The following FRMD4A variants were observed in gnomAD, a reference collection of about 807,000 sequenced individuals.
The protein encoded by FRMD4A is FERM domain-containing protein 4A.
A neutral mutation model predicts 129.1 loss-of-function variants in FRMD4A; 29 were observed. That is an observed-to-expected ratio of 0.22 (90% CI 0.17 to 0.31). The LOEUF is 0.31. Among genes scored for constraint, FRMD4A ranks in the 10% least tolerant of loss-of-function variants. The probability of loss-of-function intolerance (pLI) is 1.00; values close to 1 mark genes in which losing one functional copy is unlikely to be tolerated. For synonymous variants in FRMD4A, 634 were observed against 571.6 expected (o/e 1.11, Z -1.56); for missense variants, 1,272 against 1,375.8 (o/e 0.92, Z 1.19).
intron 2 of FRMD4A, among the ~76,000 whole-genome samples, chr10:13,922,710 G>A (rs945109024): frequency 3.3e-5 from 5 of 152,122 alleles, no homozygotes; most frequent in South Asian, 2.1e-4. Context: ...AATTAGCATC[G>A]TATGGTGCCA....
At chr10:14,139,402 T>C (rs987607549) in intron 2 of FRMD4A, among the ~76,000 whole-genome samples, 1 of 152,078 alleles carries the variant, frequency 6.6e-6, no homozygotes, top group African/African-American at 2.4e-5. Flanking sequence ...ATATTGAACA[T>C]AGAAGTTAAT....
Position 13,785,929 on chromosome 10 carries a change from T to C in FRMD4A, c.300-2923A>G, listed in dbSNP as rs532843306. On this transcript the variant is annotated intron_variant, in intron 5 of 24. Transcript: ENST00000357447. ...GAATGATGGTTTCCAGCTTCATCCA[T>C]GTCCCTACAAAGCACATGAACTCAT... Among the ~76,000 whole-genome samples the C allele has an allele frequency of 3.3e-5, 5 of 152,262 alleles. No homozygotes were observed. The South Asian group carries it at 1.0e-3, about 32-fold the overall frequency.
chr10:14,276,855 T>C (rs1845359326), intron 2 of FRMD4A, among the ~76,000 whole-genome samples: 1 of 152,142 alleles, frequency 6.6e-6, no homozygotes, highest in Non-Finnish European at 1.5e-5. Context: ...GGGATTTTAT[T>C]ATTATTGTTA....
At chr10:13,723,031 C>T (rs2089583112) in intron 12 of FRMD4A, among the ~76,000 whole-genome samples, 1 of 148,962 alleles carries the variant, frequency 6.7e-6, no homozygotes, top group Non-Finnish European at 1.5e-5. Context: ...TAGGTAGGTC[C>T]CTATGTTGGT....
At chr10:13,688,433 T>C (rs1335786839) in intron 15 of FRMD4A, among the ~76,000 whole-genome samples, 2 of 152,032 alleles carry the variant, frequency 1.3e-5, no homozygotes, top group Admixed American at 1.3e-4. Flanking sequence ...TTAGGAGATA[T>C]ACCTAATGCT....
At chr10:13,832,358 T>C (rs893588602) in intron 3 of FRMD4A, among the ~76,000 whole-genome samples, 12 of 152,190 alleles carry the variant, frequency 7.9e-5, no homozygotes, top group African/African-American at 2.9e-4. Flanking sequence ...TCGTGCTTCG[T>C]CCAGAGTGAG....
chr10:14,185,550 AGC>A (rs1842079099), intron 2 of FRMD4A, among the ~76,000 whole-genome samples: 3 of 152,344 alleles, frequency 2.0e-5, no homozygotes, highest in African/African-American at 7.2e-5. Context: ...TGAAACATAA[AGC>A]AAGACTATTT....
At chr10:13,967,798 CA>C (rs2095494413) in intron 2 of FRMD4A, among the ~76,000 whole-genome samples, 1 of 152,230 alleles carries the variant, frequency 6.6e-6, no homozygotes, top group African/African-American at 2.4e-5. Context: ...ATAATGCCAG[CA>C]CTCTGGGAGG....
chr10:13,957,635 A>G (rs2095417797), intron 2 of FRMD4A, among the ~76,000 whole-genome samples: 1 of 152,220 alleles, frequency 6.6e-6, no homozygotes, highest in South Asian at 2.1e-4. Context: ...CTCCTTCGCT[A>G]GAGAAAGCAC....
intron 2 of FRMD4A, among the ~76,000 whole-genome samples, chr10:14,185,388 T>C (rs187548156): frequency 6.6e-6 from 1 of 152,322 alleles, no homozygotes; most frequent in Non-Finnish European, 1.5e-5. Context: ...ATCTGTAGAA[T>C]GTGCATGAAA....
At chr10:14,048,820 TAGATTAGAA>T (rs1834104664) in intron 2 of FRMD4A, among the ~76,000 whole-genome samples, 1 of 119,102 alleles carries the variant, frequency 8.4e-6, no homozygotes, top group African/African-American at 3.9e-5. Flanking sequence ...TAAAATAGAA[TAGATTAGAA>T]TAGAATAGAA....
rs140159637 is a variant in FRMD4A, at chr10:14,059,103, A to G, written c.46-200191T>C. Among the ~76,000 whole-genome samples, 369 of 152,370 alleles carry G rather than the reference A, an allele frequency of 2.4e-3. 2 individuals carry two copies. Among genetic ancestry groups the G allele is most frequent in the African/African-American group, 8.1e-3 (337 of 41,592 alleles). Reference sequence around the variant, plus strand: ...AAAGACAAAGAGCTTACTCCAAATCATATGAGAATTGAAAGGGAGTGCCAA... The same window carrying G: ...AAAGACAAAGAGCTTACTCCAAATCGTATGAGAATTGAAAGGGAGTGCCAA... On this transcript the variant is annotated intron_variant, in intron 2 of 24. Coordinates refer to ENST00000357447, the MANE Select transcript of FRMD4A (RefSeq NM_018027.5).
intron 2 of FRMD4A, among the ~76,000 whole-genome samples, chr10:14,222,766 C>T (rs571368549): frequency 5.9e-5 from 9 of 152,196 alleles, no homozygotes; most frequent in Non-Finnish European, 1.0e-4. Context: ...TTTCAAGTGG[C>T]ACTGTGGCTT....
intron 2 of FRMD4A, among the ~76,000 whole-genome samples, chr10:14,318,979 C>G (rs946052601): frequency 1.3e-5 from 2 of 152,154 alleles, no homozygotes; most frequent in East Asian, 3.9e-4. Flanking sequence ...AGTTTTGGAG[C>G]CTGGGTCACT....
intron 2 of FRMD4A, among the ~76,000 whole-genome samples, chr10:14,189,287 G>A (rs1271204185): frequency 6.6e-6 from 1 of 152,078 alleles, no homozygotes; most frequent in African/African-American, 2.4e-5. Flanking sequence ...AGGAGGAAGA[G>A]AATGGGCCCG....
intron 2 of FRMD4A, among the ~76,000 whole-genome samples, chr10:14,309,799 T>A (rs1846478636): frequency 6.6e-6 from 1 of 152,172 alleles, no homozygotes; most frequent in South Asian, 2.1e-4. Flanking sequence ...AACGTAGTCT[T>A]CTCATCACGT....
chr10:14,036,476 G>A (rs960321341), intron 2 of FRMD4A, among the ~76,000 whole-genome samples: 2 of 152,204 alleles, frequency 1.3e-5, no homozygotes, highest in African/African-American at 4.8e-5. Flanking sequence ...GCCAGGCCAA[G>A]GGGAGCGGAG....
At chr10:14,037,269 C>T (rs1833543898) in intron 2 of FRMD4A, among the ~76,000 whole-genome samples, 2 of 152,310 alleles carry the variant, frequency 1.3e-5, no homozygotes, top group African/African-American at 2.4e-5. Context: ...GAAACAGTCT[C>T]GTTCTGTCAT....
intron 2 of FRMD4A, among the ~76,000 whole-genome samples, chr10:14,009,552 TG>T (rs1461341667): frequency 6.6e-6 from 1 of 151,918 alleles, no homozygotes; most frequent in African/African-American, 2.4e-5. Context: ...TAATAGGAAA[TG>T]GGGGTGGGGT....
Sources: gnomAD v4.1 joint callset for allele counts (sites outside exome capture counted in the v4.1 genomes callset) on GRCh38, gnomAD v4.1.1 for gene constraint, MANE v1.5 for transcripts, NCBI Gene and HGNC (gene_info 2026-07-23, HGNC 2026-07-21) for gene names.